The following PCDH7 variants were observed in gnomAD, a reference collection of about 807,000 sequenced individuals.
The protein encoded by PCDH7 is protocadherin 7.
In PCDH7, 17 loss-of-function variants were observed where a neutral mutation model predicts 58.9. That is an observed-to-expected ratio of 0.29 (90% CI 0.20 to 0.43). The LOEUF (loss-of-function observed/expected upper bound fraction) is 0.43, where lower values mean the gene tolerates loss of function less well. Among genes scored for constraint, PCDH7 ranks in the 20% least tolerant of loss-of-function variants. The pLI is 1.00. For missense variants in PCDH7, 1,274 were observed against 1,441.0 expected (o/e 0.88, Z 1.88); for synonymous variants, 664 against 616.4 (o/e 1.08, Z -1.14).
intron 3 of PCDH7, among the ~76,000 whole-genome samples, chr4:31,033,061 A>C (rs1755095697): frequency 6.6e-6 from 1 of 152,198 alleles, no homozygotes; most frequent in Admixed American, 6.5e-5. Flanking sequence ...CATTCAGAAA[A>C]TACTTATGGA....
chr4:30,988,788 T>G (rs1365375641), intron 3 of PCDH7, among the ~76,000 whole-genome samples: 1 of 152,204 alleles, frequency 6.6e-6, no homozygotes, highest in Non-Finnish European at 1.5e-5. Context: ...CAAGAGATTA[T>G]TTTTTAAATG....
At chr4:31,097,850 ACT>A (rs1416209425) in intron 3 of PCDH7, among the ~76,000 whole-genome samples, 2 of 151,320 alleles carry the variant, frequency 1.3e-5, no homozygotes, top group African/African-American at 2.4e-5. Context: ...TAATTATGAG[ACT>A]CTTTTAAAAT....
intron 2 of PCDH7, among the ~76,000 whole-genome samples, chr4:30,945,950 C>T (rs1401010808): frequency 6.6e-6 from 1 of 152,056 alleles, no homozygotes; most frequent in Non-Finnish European, 1.5e-5. Context: ...TTAAAATGCC[C>T]TTTTTGACGA....
chr4:30,735,624 C>T (rs559278422), downstream of PCDH7, among the ~76,000 whole-genome samples: 3 of 152,194 alleles, frequency 2.0e-5, no homozygotes, highest in East Asian at 3.9e-4. Context: ...CCTTAAGAAA[C>T]GGGAATTTTG....
intron 2 of PCDH7, among the ~76,000 whole-genome samples, chr4:30,939,998 A>G (rs1007490482): frequency 4.6e-5 from 7 of 152,060 alleles, no homozygotes; most frequent in Admixed American, 4.6e-4. Flanking sequence ...CTGGATTCAC[A>G]TTAGAGGAAA....
At chr4:30,811,474 C>T (rs754438326) in intron 1 of PCDH7, among the ~76,000 whole-genome samples, 7 of 152,078 alleles carry the variant, frequency 4.6e-5, no homozygotes, top group African/African-American at 9.7e-5. Flanking sequence ...CTTTGCCTAA[C>T]GCTGTGCTGG....
chr4:30,774,066 T>G (rs1022834206), intron 1 of PCDH7, among the ~76,000 whole-genome samples: 3 of 152,200 alleles, frequency 2.0e-5, no homozygotes, highest in Non-Finnish European at 2.9e-5. Flanking sequence ...CTTTGCTCAG[T>G]TGAGTGATTT....
intron 1 of PCDH7, among the ~76,000 whole-genome samples, chr4:30,808,226 A>G (rs1278001188): frequency 2.0e-5 from 3 of 152,246 alleles, no homozygotes; most frequent in African/African-American, 7.2e-5. Flanking sequence ...TTCAAGTATG[A>G]CCAAAGAGCT....
intron 1 of PCDH7, among the ~76,000 whole-genome samples, chr4:30,863,666 T>C (rs752488329): frequency 6.6e-6 from 1 of 152,136 alleles, no homozygotes; most frequent in African/African-American, 2.4e-5. Flanking sequence ...ACTAGGATTG[T>C]TAACTTCTTA....
intron 2 of PCDH7, among the ~76,000 whole-genome samples, chr4:30,944,564 T>C (rs1297308568): frequency 1.3e-5 from 2 of 152,116 alleles, no homozygotes; most frequent in African/African-American, 2.4e-5. Flanking sequence ...AAATATTTGA[T>C]TGACAAAACT....
At chr4:30,824,084 TTTCTTTCTTTCTTTC>T (rs1299179970) in intron 1 of PCDH7, among the ~76,000 whole-genome samples, 14 of 8,728 alleles carry the variant, frequency 1.6e-3, no homozygotes, top group South Asian at 4.9e-3. Context: ...GTTTCTTTTC[TTTCTTTCTTTCTTTC>T]TTTCTTTCTT....
At chr4:30,873,488 C>CAAATTTAATTTGAGATCTATATAA in intron 1 of PCDH7, among the ~76,000 whole-genome samples, 1 of 152,036 alleles carries the variant, frequency 6.6e-6, no homozygotes, top group Non-Finnish European at 1.5e-5. Context: ...GATCTATATA[C>CAAATTTAATTTGAGATCTATATAA]AAATTTAATT....
chr4:30,855,948 C>T (rs2109350239), intron 1 of PCDH7, among the ~76,000 whole-genome samples: 1 of 152,138 alleles, frequency 6.6e-6, no homozygotes, highest in African/African-American at 2.4e-5. Context: ...GTAAGGGGCA[C>T]CGTCTGGGTA....
intron 1 of PCDH7, among the ~76,000 whole-genome samples, chr4:30,823,052 C>T (rs1367020559): frequency 6.6e-6 from 1 of 152,098 alleles, no homozygotes; most frequent in African/African-American, 2.4e-5. Context: ...GAGCTTTGCA[C>T]GGATATTCAT....
At chr4:30,980,247 A>C (rs1028787869) in intron 3 of PCDH7, among the ~76,000 whole-genome samples, 6 of 152,232 alleles carry the variant, frequency 3.9e-5, no homozygotes, top group Non-Finnish European at 8.8e-5. Context: ...CTGGTAACAA[A>C]ACACATTTTT....
intron 1 of PCDH7, among the ~76,000 whole-genome samples, chr4:30,799,093 G>A (rs910805530): frequency 2.6e-5 from 4 of 152,160 alleles, no homozygotes; most frequent in African/African-American, 9.7e-5. Context: ...CGGAGACATA[G>A]TCTGTAGAGT....
intron 3 of PCDH7, among the ~76,000 whole-genome samples, chr4:31,138,929 T>C (rs1719930127): frequency 1.3e-5 from 2 of 150,818 alleles, no homozygotes; most frequent in Non-Finnish European, 2.9e-5. Context: ...TGAGGCAAGA[T>C]TGCACCACTG....
intron 3 of PCDH7, among the ~76,000 whole-genome samples, chr4:31,033,759 A>G (rs1223029067): frequency 6.6e-6 from 1 of 151,956 alleles, no homozygotes; most frequent in East Asian, 1.9e-4. Context: ...TCACTTTTAT[A>G]CTCAGTTGCT....
intron 3 of PCDH7, among the ~76,000 whole-genome samples, chr4:30,952,655 G>A (rs557625600): frequency 1.3e-5 from 2 of 152,152 alleles, no homozygotes; most frequent in African/African-American, 2.4e-5. Context: ...TTAAGAGTTT[G>A]TGTTTCCTTA....
Sources: allele counts gnomAD v4.1 joint callset (sites outside exome capture counted in the v4.1 genomes callset), GRCh38; gene constraint gnomAD v4.1.1; transcripts MANE v1.5; gene names NCBI Gene and HGNC (gene_info 2026-07-23, HGNC 2026-07-21).